Variants in GPHN observed in about 807,000 individuals in gnomAD.
The protein encoded by GPHN is gephyrin.
Under a neutral mutation model 95.5 loss-of-function variants are expected in GPHN, and 17 were observed. The ratio of observed to expected loss-of-function variants is 0.18; its 90% CI spans 0.12 to 0.27. GPHN has a LOEUF of 0.27. GPHN is among the 10% of genes least tolerant of loss of function. The probability of loss-of-function intolerance (pLI) is 1.00; values close to 1 mark genes in which losing one functional copy is unlikely to be tolerated. For synonymous variants in GPHN, 320 were observed against 322.5 expected, an observed-to-expected ratio of 0.99 and a Z score of 0.08; for missense variants, 660 against 978.1, an observed-to-expected ratio of 0.67 and a Z score of 4.34.
the GPHN span, among the ~76,000 whole-genome samples, chr14:67,252,837 A>C: frequency 6.6e-6 from 1 of 152,222 alleles, no homozygotes; most frequent in Admixed American, 6.5e-5. Context: ...GTTCTGTTCT[A>C]GTCATCTCCC....
chr14:67,500,324 A>C, the GPHN span, among the ~76,000 whole-genome samples: 12 of 152,010 alleles, frequency 7.9e-5, no homozygotes, highest in African/African-American at 2.9e-4. Flanking sequence ...AAATACAAAA[A>C]TTAGCTGGGC....
At chr14:66,762,393 T>C (rs2058790676) in intron 2 of GPHN, among the ~76,000 whole-genome samples, 1 of 152,182 alleles carries the variant, frequency 6.6e-6, no homozygotes, top group African/African-American at 2.4e-5. Flanking sequence ...GGCCAACCTA[T>C]GTGAAAGTTC....
chr14:66,564,682 C>A (rs1479164442), intron 1 of GPHN, among the ~76,000 whole-genome samples: 1 of 152,144 alleles, frequency 6.6e-6, no homozygotes, highest in Non-Finnish European at 1.5e-5. Context: ...CCTTTCTTTT[C>A]CATTTCTTAC....
intron 8 of GPHN, among the ~76,000 whole-genome samples, chr14:66,937,252 C>T (rs539000376): frequency 1.3e-5 from 2 of 152,136 alleles, no homozygotes; most frequent in African/African-American, 4.8e-5. Context: ...AATCCACCCT[C>T]CTCAACCTCC....
chr14:67,373,266 T>C, the GPHN span, among the ~76,000 whole-genome samples: 4 of 152,212 alleles, frequency 2.6e-5, no homozygotes, highest in Non-Finnish European at 4.4e-5. Context: ...TAAATGACTG[T>C]TCTTTTTTTT....
the GPHN span, among the ~76,000 whole-genome samples, chr14:67,631,936 G>A: frequency 2.6e-5 from 4 of 152,154 alleles, 1 homozygote; most frequent in South Asian, 4.1e-4. Flanking sequence ...GTGCAGTGGT[G>A]TAATCTTGGC....
intron 8 of GPHN, 88 bp downstream of exon 8, chr14:66,924,380 G>A (rs974743335): frequency 3.8e-6 from 3 of 780,730 alleles, no homozygotes; most frequent in African/African-American, 1.7e-5. Context: ...TATGGAAGAT[G>A]TGTTGTTTTA....
At chr14:67,406,110 T>C in the GPHN span, among the ~76,000 whole-genome samples, 1 of 151,910 alleles carries the variant, frequency 6.6e-6, no homozygotes, top group Non-Finnish European at 1.5e-5. Context: ...AATTCAAAAA[T>C]TAGCTGGGCG....
intron 8 of GPHN, among the ~76,000 whole-genome samples, chr14:66,949,336 G>A (rs1304542549): frequency 6.6e-6 from 1 of 152,108 alleles, no homozygotes; most frequent in Admixed American, 6.6e-5. Context: ...CTGACCTCAT[G>A]ATCTGCCTGC....
chr14:66,692,127 A>G (rs1393932330), intron 2 of GPHN, among the ~76,000 whole-genome samples: 2 of 152,146 alleles, frequency 1.3e-5, no homozygotes, highest in Non-Finnish European at 2.9e-5. Context: ...AGGATTACTA[A>G]TATATATAGT....
intron 2 of GPHN, among the ~76,000 whole-genome samples, chr14:66,701,819 G>A (rs1236419934): frequency 4.6e-5 from 7 of 152,182 alleles, no homozygotes; most frequent in African/African-American, 7.2e-5. Flanking sequence ...GCTGCCTACT[G>A]TCTAAGCCAT....
chr14:67,557,458 A>ACAT, the GPHN span: 1 of 1,592,814 alleles, frequency 6.3e-7, no homozygotes, highest in East Asian at 2.2e-5. Flanking sequence ...GCCCTCTTCG[A>ACAT]CATCTGTACT....
intron 2 of GPHN, among the ~76,000 whole-genome samples, chr14:66,699,239 T>C (rs961766525): frequency 6.6e-5 from 10 of 152,160 alleles, no homozygotes; most frequent in African/African-American, 2.4e-4. Context: ...TTAGGAGATA[T>C]ATCTAATGCT....
intron 1 of GPHN, among the ~76,000 whole-genome samples, chr14:66,524,028 T>C (rs2058585914): frequency 6.6e-6 from 1 of 152,090 alleles, no homozygotes; most frequent in Admixed American, 6.6e-5. Context: ...TTGAGATTTT[T>C]GAGATATAGG....
chr14:67,089,960 A>G (rs2077080213), intron 12 of GPHN, among the ~76,000 whole-genome samples: 1 of 152,132 alleles, frequency 6.6e-6, no homozygotes, highest in African/African-American at 2.4e-5. Flanking sequence ...GATATTTTAA[A>G]ATATGTAGTA....
At chr14:67,510,361 C>T in the GPHN span, among the ~76,000 whole-genome samples, 3 of 152,122 alleles carry the variant, frequency 2.0e-5, no homozygotes, top group African/African-American at 7.2e-5. Flanking sequence ...TTCCTGAAGC[C>T]TTTGCCAACC....
intron 5 of GPHN, among the ~76,000 whole-genome samples, chr14:66,888,368 G>A (rs1250712590): frequency 1.3e-5 from 2 of 152,154 alleles, no homozygotes; most frequent in African/African-American, 4.8e-5. Flanking sequence ...CATTTAACTT[G>A]TCCTCAGACA....
rs113642509 is a variant in GPHN at position 66,521,149 on chromosome 14, T to C, written c.64+12558T>C. Among the ~76,000 whole-genome samples the C allele has an allele frequency of 6.3e-4, 96 of 152,314 alleles. 2 individuals are homozygous for C. The highest frequency in any genetic ancestry group is 1.9e-3 in the Admixed American group (29 of 15,286). ...GATTCCATGTCTTTGCTATTATGAA[T>C]AGTGCTACAGTGAACATTCATGTGT... On this transcript the variant is annotated intron_variant, in intron 1 of 22. Transcript: ENST00000478722.
chr14:67,502,538 C>A, the GPHN span, among the ~76,000 whole-genome samples: 2 of 150,568 alleles, frequency 1.3e-5, no homozygotes, highest in Admixed American at 6.6e-5. Context: ...CTGCAACCTC[C>A]GCCTCCGAGA....
Sources: gnomAD v4.1 joint callset for allele counts (sites outside exome capture counted in the v4.1 genomes callset) on GRCh38, gnomAD v4.1.1 for gene constraint, MANE v1.5 for transcripts, NCBI Gene and HGNC (gene_info 2026-07-23, HGNC 2026-07-21) for gene names.